Variants in ACKR3 observed in about 807,000 individuals in gnomAD.
ACKR3 encodes the protein C-X-C chemokine receptor type 7.
A neutral mutation model predicts 22.4 loss-of-function variants in ACKR3; 6 were observed. The observed-to-expected ratio is 0.27, with a 90% CI of 0.15 to 0.53. ACKR3 has a LOEUF of 0.53. Ranked by LOEUF, ACKR3 falls within the 20% of genes least tolerant of loss-of-function variation. The pLI, the probability that ACKR3 is intolerant of heterozygous loss-of-function variation, is 0.96. For synonymous variants in ACKR3, 209 were observed against 205.2 expected (o/e 1.02, Z -0.16); for missense variants, 396 against 475.2 (o/e 0.83, Z 1.55).
chr2:236,540,679 A>C, the ACKR3 span, among the ~76,000 whole-genome samples: 1 of 152,170 alleles, frequency 6.6e-6, no homozygotes. Context: ...TGTGTGGTGC[A>C]AAATAAGGGT....
the ACKR3 span, among the ~76,000 whole-genome samples, chr2:236,539,046 C>T: frequency 6.6e-6 from 1 of 152,204 alleles, no homozygotes; most frequent in African/African-American, 2.4e-5. Flanking sequence ...TGTCTTGCTT[C>T]TTTTACTTGG....
chr2:236,539,310 T>C, the ACKR3 span, among the ~76,000 whole-genome samples: 1 of 137,600 alleles, frequency 7.3e-6, no homozygotes, highest in South Asian at 2.6e-4. Context: ...TCTTTTCTTT[T>C]TTTTTTTTTT....
At chr2:236,570,282 A>G (rs1691279960) in intron 1 of ACKR3, among the ~76,000 whole-genome samples, 2 of 152,154 alleles carry the variant, frequency 1.3e-5, no homozygotes, top group African/African-American at 2.4e-5. Flanking sequence ...TGCCTGACCA[A>G]TTTGGCATGG....
At chr2:236,540,048 G>A in the ACKR3 span, among the ~76,000 whole-genome samples, 1 of 152,172 alleles carries the variant, frequency 6.6e-6, no homozygotes, top group Non-Finnish European at 1.5e-5. Context: ...TTTGGGTGGG[G>A]ACACAGCCAA....
the ACKR3 span, among the ~76,000 whole-genome samples, chr2:236,558,676 A>G: frequency 0.12 from 18,813 of 152,168 alleles, 1,902 homozygotes; most frequent in African/African-American, 0.28. Flanking sequence ...CTTCTCTCAA[A>G]TGGTTCAGGG....
At chr2:236,561,676 G>C in the ACKR3 span, among the ~76,000 whole-genome samples, 2 of 152,116 alleles carry the variant, frequency 1.3e-5, no homozygotes, top group South Asian at 4.1e-4. Context: ...ATTTTTAGTA[G>C]AGATGGGGTT....
At chr2:236,570,496 G>T (rs1029668500) in intron 1 of ACKR3, among the ~76,000 whole-genome samples, 2 of 152,196 alleles carry the variant, frequency 1.3e-5, no homozygotes, top group African/African-American at 4.8e-5. Flanking sequence ...ACCAGAGTCT[G>T]TAAGTCCGGA....
upstream of ACKR3, among the ~76,000 whole-genome samples, chr2:236,567,509 G>A (rs898694462): frequency 6.6e-6 from 1 of 152,174 alleles, no homozygotes; most frequent in Non-Finnish European, 1.5e-5. Context: ...AGGTCCTAGG[G>A]CAATGGAATC....
At chr2:236,554,459 G>A in the ACKR3 span, among the ~76,000 whole-genome samples, 1 of 152,206 alleles carries the variant, frequency 6.6e-6, no homozygotes, top group Non-Finnish European at 1.5e-5. Context: ...GAACTCTAAG[G>A]AAGATGGGAT....
At chr2:236,539,823 A>G in the ACKR3 span, among the ~76,000 whole-genome samples, 14 of 152,200 alleles carry the variant, frequency 9.2e-5, no homozygotes, top group Non-Finnish European at 1.9e-4. Flanking sequence ...AGGCCTTACA[A>G]TCATGGAGGA....
intron 1 of ACKR3, among the ~76,000 whole-genome samples, chr2:236,575,719 G>A (rs1380692563): frequency 2.0e-5 from 3 of 152,112 alleles, no homozygotes; most frequent in African/African-American, 7.2e-5. Flanking sequence ...GTCTTTCACT[G>A]AACAGCATGT....
At chr2:236,556,537 G>A in the ACKR3 span, among the ~76,000 whole-genome samples, 1 of 152,116 alleles carries the variant, frequency 6.6e-6, no homozygotes, top group Non-Finnish European at 1.5e-5. Context: ...ATTCGAGGAG[G>A]GGCCCAAGCC....
upstream of ACKR3, among the ~76,000 whole-genome samples, chr2:236,563,841 A>G (rs867770438): frequency 4.6e-5 from 7 of 152,292 alleles, no homozygotes; most frequent in African/African-American, 1.4e-4. Flanking sequence ...GGGTTACTGC[A>G]GCCGCTGTGC....
chr2:236,556,154 G>A, the ACKR3 span, among the ~76,000 whole-genome samples: 19 of 152,230 alleles, frequency 1.2e-4, 1 homozygote, highest in African/African-American at 2.9e-4. Context: ...TCACCCAGTC[G>A]GGGTATCAGG....
the ACKR3 span, among the ~76,000 whole-genome samples, chr2:236,547,126 G>A: frequency 6.6e-6 from 1 of 152,236 alleles, no homozygotes; most frequent in African/African-American, 2.4e-5. Context: ...CATGATGACA[G>A]GTGGTTGTGA....
rs761472121 is a variant in ACKR3 at position 236,580,987 on chromosome 2, C to T, written c.522C>T (p.Cys174=). 15 of 1,614,000 alleles carry T rather than the reference C, an allele frequency of 9.3e-6. No homozygotes were observed. Among genetic ancestry groups the T allele is most frequent in the African/African-American group, 2.7e-5 (2 of 74,930 alleles). ...VCILVWLLAF[C]VSLPDTYYLK... Reference sequence around the variant, plus strand: ...TCCTGGTGTGGCTGCTGGCCTTCTGCGTGTCTCTGCCTGACACCTACTACC... The same window carrying T: ...TCCTGGTGTGGCTGCTGGCCTTCTGTGTGTCTCTGCCTGACACCTACTACC... The change falls in exon 2 of 2, where the codon TGC becomes TGT. Residue 174 remains cysteine, a synonymous_variant. Transcript: ENST00000272928.
At chr2:236,556,325 C>T in the ACKR3 span, among the ~76,000 whole-genome samples, 1 of 152,052 alleles carries the variant, frequency 6.6e-6, no homozygotes, top group African/African-American at 2.4e-5. Context: ...ATAAGAGCCC[C>T]CAGAGAGGTC....
At chr2:236,543,481 T>C in the ACKR3 span, among the ~76,000 whole-genome samples, 3 of 152,086 alleles carry the variant, frequency 2.0e-5, no homozygotes, top group Non-Finnish European at 2.9e-5. Context: ...ACTGAGAGTA[T>C]AGAAAAAGGC....
chr2:236,538,184 T>G, the ACKR3 span, among the ~76,000 whole-genome samples: 1 of 152,192 alleles, frequency 6.6e-6, no homozygotes, highest in Non-Finnish European at 1.5e-5. Context: ...GGTATTTGAC[T>G]TCTCAGAAAC....
Sources: gnomAD v4.1 joint callset for allele counts (sites outside exome capture counted in the v4.1 genomes callset) on GRCh38, gnomAD v4.1.1 for gene constraint, MANE v1.5 for transcripts, NCBI Gene and HGNC (gene_info 2026-07-23, HGNC 2026-07-21) for gene names.